The following GRIK1 variants were observed in gnomAD, a reference collection of about 807,000 sequenced individuals.
The protein encoded by GRIK1 is glutamate ionotropic receptor kainate type subunit 1, also known as glutamate receptor ionotropic, kainate 1.
GRIK1 carries 69 observed loss-of-function variants against 105.7 expected under a neutral mutation model. The ratio of observed to expected loss-of-function variants is 0.65; its 90% CI spans 0.54 to 0.80. The LOEUF (loss-of-function observed/expected upper bound fraction) is 0.80, where lower values mean the gene tolerates loss of function less well. Among genes scored for constraint, GRIK1 ranks in the 30% least tolerant of loss-of-function variants. GRIK1 has a pLI of 0.00. For synonymous variants in GRIK1, 438 were observed against 431.3 expected (o/e 1.02, Z -0.19); for missense variants, 1,109 against 1,167.3 (o/e 0.95, Z 0.73).
chr21:29,775,710 AT>A (rs201883023), intron 1 of GRIK1, among the ~76,000 whole-genome samples: 2,526 of 152,180 alleles, frequency 0.017, 77 homozygotes, highest in African/African-American at 0.058. Context: ...CTACTAAGTC[AT>A]TTTTTTACCT....
At chr21:29,898,354 T>C (rs990456761) in intron 1 of GRIK1, among the ~76,000 whole-genome samples, 2 of 152,008 alleles carry the variant, frequency 1.3e-5, no homozygotes, top group East Asian at 1.9e-4. Flanking sequence ...ACATTGTGGG[T>C]GAGGAAATAC....
intron 1 of GRIK1, among the ~76,000 whole-genome samples, chr21:29,835,131 T>C (rs557433238): frequency 6.6e-6 from 1 of 152,310 alleles, no homozygotes; most frequent in Admixed American, 6.5e-5. Context: ...TTTTCTTTCT[T>C]GATTTGATTC....
At chr21:29,698,985 C>G (rs1171613842) in intron 1 of GRIK1, among the ~76,000 whole-genome samples, 1 of 152,128 alleles carries the variant, frequency 6.6e-6, no homozygotes, top group Admixed American at 6.5e-5. Context: ...CCTATGAGGA[C>G]TTTGTCCTGA....
intron 1 of GRIK1, among the ~76,000 whole-genome samples, chr21:29,795,321 C>A (rs1235937397): frequency 6.6e-6 from 1 of 152,044 alleles, no homozygotes; most frequent in Non-Finnish European, 1.5e-5. Context: ...CAGGCATGAG[C>A]CACCGTGCCC....
At chr21:29,543,296 A>T (rs1417027726) in intron 16 of GRIK1, among the ~76,000 whole-genome samples, 2 of 152,174 alleles carry the variant, frequency 1.3e-5, no homozygotes, top group African/African-American at 4.8e-5. Flanking sequence ...ATAGGAACAG[A>T]AGAATTGTAT....
At chr21:29,593,822 C>T (rs761261510) in intron 9 of GRIK1, among the ~76,000 whole-genome samples, 6 of 152,226 alleles carry the variant, frequency 3.9e-5, no homozygotes, top group African/African-American at 7.2e-5. Flanking sequence ...ATATCACTCT[C>T]TTGTAAAATA....
chr21:29,768,678 G>T (rs2065736877), intron 1 of GRIK1, among the ~76,000 whole-genome samples: 1 of 152,208 alleles, frequency 6.6e-6, no homozygotes, highest in Non-Finnish European at 1.5e-5. Flanking sequence ...CTGCAGATCG[G>T]AGGAGCCCGG....
At chr21:29,745,524 T>C (rs1031357452) in intron 1 of GRIK1, among the ~76,000 whole-genome samples, 3 of 152,248 alleles carry the variant, frequency 2.0e-5, no homozygotes, top group African/African-American at 7.2e-5. Context: ...AGACAACTAA[T>C]ACACTTGACT....
chr21:29,911,362 C>T (rs465013), intron 1 of GRIK1, among the ~76,000 whole-genome samples: 35,458 of 151,774 alleles, frequency 0.23, 4,943 homozygotes, highest in African/African-American at 0.39. Flanking sequence ...AATGGTACTG[C>T]GATGAATCAT....
intron 1 of GRIK1, among the ~76,000 whole-genome samples, chr21:29,937,031 A>C (rs903406239): frequency 6.6e-6 from 1 of 152,178 alleles, no homozygotes; most frequent in Non-Finnish European, 1.5e-5. Flanking sequence ...GGTTTGTTGG[A>C]AAGAAGAATG....
chr21:29,820,596 T>A (rs1340312329), intron 1 of GRIK1, among the ~76,000 whole-genome samples: 1 of 152,050 alleles, frequency 6.6e-6, no homozygotes, highest in Non-Finnish European at 1.5e-5. Flanking sequence ...AAGAGAGTGA[T>A]GAGCATTGCT....
At chr21:29,884,699 C>T (rs2069546036) in intron 1 of GRIK1, among the ~76,000 whole-genome samples, 2 of 152,054 alleles carry the variant, frequency 1.3e-5, no homozygotes, top group Admixed American at 1.3e-4. Flanking sequence ...ACATGCTTTA[C>T]TTAAAGTAGT....
intron 1 of GRIK1, among the ~76,000 whole-genome samples, chr21:29,801,778 A>T (rs1267788484): frequency 1.3e-5 from 2 of 152,214 alleles, no homozygotes; most frequent in African/African-American, 2.4e-5. Flanking sequence ...GTTCTTCTAC[A>T]ATTATAGCCC....
intron 1 of GRIK1, among the ~76,000 whole-genome samples, chr21:29,913,275 A>G (rs111471637): frequency 4.7e-4 from 71 of 152,228 alleles, no homozygotes; most frequent in African/African-American, 1.6e-3. Flanking sequence ...GAACTGAAGT[A>G]ATGAAAACCT....
Position 29,683,808 on chromosome 21 carries a change from A to T in GRIK1, c.544+5920T>A, listed in dbSNP as rs138976016. ...TAAATATTGTCCTTTAGCTATTTAC[A>T]TATGCAAAGCCTCCATGATATGAAA... On this transcript the variant is annotated intron_variant, in intron 3 of 17. Transcript: ENST00000327783. Among the ~76,000 whole-genome samples, 160 of 152,354 alleles carry T rather than the reference A, an allele frequency of 1.1e-3. 1 individual carries two copies. Among genetic ancestry groups the T allele is most frequent in the African/African-American group, 3.6e-3 (148 of 41,584 alleles).
intron 7 of GRIK1, among the ~76,000 whole-genome samples, chr21:29,599,839 G>T (rs113207380): frequency 0.012 from 1,898 of 152,250 alleles, 43 homozygotes; most frequent in African/African-American, 0.043. Context: ...AGTGGCTTGC[G>T]CCTGTAATCC....
intron 1 of GRIK1, among the ~76,000 whole-genome samples, chr21:29,876,488 A>G (rs1034033613): frequency 1.3e-5 from 2 of 152,274 alleles, no homozygotes; most frequent in Admixed American, 1.3e-4. Flanking sequence ...CTACTGGTGT[A>G]CATTTTTCAT....
intron 1 of GRIK1, among the ~76,000 whole-genome samples, chr21:29,831,625 A>G (rs377263118): frequency 1.3e-5 from 2 of 152,140 alleles, no homozygotes; most frequent in African/African-American, 4.8e-5. Context: ...AAACAACCAG[A>G]TCTCATGAGA....
At chr21:29,640,703 C>T (rs190495899) in intron 7 of GRIK1, among the ~76,000 whole-genome samples, 1 of 152,106 alleles carries the variant, frequency 6.6e-6, no homozygotes, top group Admixed American at 6.6e-5. Context: ...GTGTTTGATC[C>T]CAAGCTTTCA....
Sources: allele counts gnomAD v4.1 joint callset (sites outside exome capture counted in the v4.1 genomes callset), GRCh38; gene constraint gnomAD v4.1.1; transcripts MANE v1.5; gene names NCBI Gene and HGNC (gene_info 2026-07-23, HGNC 2026-07-21).